CRYBG3: variants seen among roughly 807,000 people sequenced by gnomAD.
CRYBG3 encodes the protein very large A-kinase anchor protein.
In CRYBG3, 127 loss-of-function variants were observed where a neutral mutation model predicts 244.2. The observed-to-expected ratio is 0.52, with a 90% CI of 0.45 to 0.60. The LOEUF (loss-of-function observed/expected upper bound fraction) is 0.60. Ranked by LOEUF, CRYBG3 falls within the 20% of genes least tolerant of loss-of-function variation. The pLI is 0.00. For synonymous variants in CRYBG3, 1,132 were observed against 1,195.8 expected, an observed-to-expected ratio of 0.95 and a Z score of 1.10; for missense variants, 3,325 against 3,442.5, an observed-to-expected ratio of 0.97 and a Z score of 0.85.
chr3:97,875,899 G>C lies in CRYBG3; in HGVS notation c.4705G>C (p.Glu1569Gln). 1 of 1,232,002 alleles carries C rather than the reference G, an allele frequency of 8.1e-7. No individual in the cohort carries two copies. The highest frequency in any genetic ancestry group is 3.1e-4 in the Middle Eastern group (1 of 3,208). The allele number at this position is 1,232,002 out of a possible 1,614,324, so 76.3% of individuals were successfully genotyped here. A position where few individuals can be genotyped will look rare whatever the true frequency, so the allele number is the denominator to read the frequency against. Residue 1569 changes from glutamate (E) to glutamine (Q), a missense_variant, in exon 4 of 22, where the codon GAA becomes CAA. By Grantham distance (29) the Glu-to-Gln change is conservative. This residue lies in a region of CRYBG3 where 635 missense variants were observed against 771.7 expected (regional missense o/e 0.82). Coordinates refer to ENST00000389622, the MANE Select transcript of CRYBG3 (RefSeq NM_153605.4). ...ATATGAGGCAGTCCCTCCTATGATA[G>C]AAATGGGAAGAATACATAAAATGGA... Reference protein sequence around the residue: ...LKYEAVPPMIEMGRIHKMDAE... With the variant: ...LKYEAVPPMIQMGRIHKMDAE...
rs997249490 is a variant in CRYBG3 at position 97,878,146 on chromosome 3, C to A, written c.6843+109C>A. 9.9e-6 allele frequency: 10 copies of A among 1,010,478 alleles called. No individual in the cohort carries two copies. In the Admixed American group the frequency reaches 2.6e-4, roughly 26 times the overall value. The allele number at this position is 1,010,478 out of a possible 1,614,324, so 62.6% of individuals were successfully genotyped here. ...AATGTTTTGGCCAAGCATGGTGGCT[C>A]ATGCCTGTAATCCTGGCACTTTGGG... On this transcript the variant is annotated intron_variant, in intron 4 of 21. Coordinates refer to ENST00000389622, the MANE Select transcript of CRYBG3 (RefSeq NM_153605.4).
chr3:97,849,168 TA>T (rs1234184202), intron 2 of CRYBG3, among the ~76,000 whole-genome samples: 1 of 152,214 alleles, frequency 6.6e-6, no homozygotes, highest in Non-Finnish European at 1.5e-5. Flanking sequence ...TAGAATTAAC[TA>T]AGATAACATG....
chr3:97,905,537 GTCT>G (rs2039762397), intron 15 of CRYBG3, among the ~76,000 whole-genome samples: 1 of 152,120 alleles, frequency 6.6e-6, no homozygotes, highest in African/African-American at 2.4e-5. Flanking sequence ...CTGCATAAAT[GTCT>G]TCTTTTGAGA....
In CRYBG3 at chr3:97,939,909, G is replaced by T. The variant is rs532182139; in HGVS notation, c.8506-1239G>T. Among the ~76,000 whole-genome samples, 8 of 152,106 alleles carry T rather than the reference G, an allele frequency of 5.3e-5. No homozygotes were observed. In the East Asian group the frequency reaches 1.4e-3, roughly 26 times the overall value. On this transcript the variant is annotated intron_variant, in intron 19 of 21. Transcript: ENST00000389622. ...TGAGAATGTGTATTTCCTTAGGAAG[G>T]TTTAATTACCAAAATTCAGTTAGCT...
At chr3:97,838,281 G>C (rs912478246) in intron 1 of CRYBG3, among the ~76,000 whole-genome samples, 1 of 152,098 alleles carries the variant, frequency 6.6e-6, no homozygotes, top group Non-Finnish European at 1.5e-5. Context: ...CTAATCTTTA[G>C]CCACACTTAA....
At chr3:97,938,793 TTTTTTA>T (rs1461074652) in intron 19 of CRYBG3, among the ~76,000 whole-genome samples, 1 of 151,862 alleles carries the variant, frequency 6.6e-6, no homozygotes, top group African/African-American at 2.4e-5. Flanking sequence ...ATTTTGAAAA[TTTTTTA>T]TTATTATTAT....
chr3:97,929,261 A>G (rs1326881624), intron 17 of CRYBG3, among the ~76,000 whole-genome samples: 1 of 152,010 alleles, frequency 6.6e-6, no homozygotes, highest in African/African-American at 2.4e-5. Flanking sequence ...TGGAGCTCAA[A>G]CTGTAATCAA....
chr3:97,911,764 T>C lies in CRYBG3; in HGVS notation c.8005-403T>C, dbSNP rs540472307. 8.0e-4 allele frequency among the ~76,000 whole-genome samples: 122 copies of C among 152,326 alleles called. 1 individual carries two copies. The highest frequency in any genetic ancestry group is 2.7e-3 in the African/African-American group (112 of 41,574). On this transcript the variant is annotated intron_variant, in intron 15 of 21. Transcript: ENST00000389622. ...ATGTAGCCTCATACTAATCTAAGCCTCTTTCAGGTTTAGCACTAAATTGCT... is the reference window on the plus strand; with the variant it reads ...ATGTAGCCTCATACTAATCTAAGCCCCTTTCAGGTTTAGCACTAAATTGCT...
chr3:97,874,420 T>C lies in CRYBG3; in HGVS notation c.3226T>C (p.Ser1076Pro). The change falls in exon 4 of 22, where the codon TCA (serine) becomes CCA (proline). Residue 1076 changes from serine (S) to proline (P), a missense_variant. Ser to Pro is a moderately conservative substitution (Grantham distance 74). Transcript: ENST00000389622. ...TGAAGAAGTTAGCATGATAGTAAATTCACATAAGCCCCAAAATAATTTGGA... is the reference window on the plus strand; with the variant it reads ...TGAAGAAGTTAGCATGATAGTAAATCCACATAAGCCCCAAAATAATTTGGA... ...YPEEVSMIVN[S>P]HKPQNNLDSI... 1.3e-6 allele frequency: 2 copies of C among 1,535,162 alleles called. No individual in the cohort carries two copies. The highest frequency in any genetic ancestry group is 1.7e-6 in the Non-Finnish European group (2 of 1,146,616).
At chr3:97,862,556 A>G (rs1043639493) in intron 2 of CRYBG3, among the ~76,000 whole-genome samples, 1 of 152,176 alleles carries the variant, frequency 6.6e-6, no homozygotes, top group Non-Finnish European at 1.5e-5. Flanking sequence ...TTAACAAAAA[A>G]TGTATATCTT....
In CRYBG3 at chr3:97,944,067, C is replaced by G. The variant is rs1038116941; in HGVS notation, c.*753C>G. ...AGACTCTATAACAGTGGTTACCTGT[C>G]TCCATGTTGACACTTCATCCTAGAT... On this transcript the variant is annotated 3_prime_UTR_variant, in exon 22 of 22. Transcript: ENST00000389622. The G allele has an allele frequency of 6.6e-6, 1 of 151,592 alleles. No homozygotes were observed. 9.4% of individuals were successfully genotyped at this position (151,592 alleles called of 1,614,324 possible).
chr3:97,875,966 T>A lies in CRYBG3; in HGVS notation c.4772T>A (p.Val1591Asp). 8.1e-7 allele frequency: 1 copy of A among 1,232,048 alleles called. No individual in the cohort carries two copies. The highest frequency in any genetic ancestry group is 1.0e-6 in the Non-Finnish European group (1 of 987,930). 76.3% of individuals were successfully genotyped at this position (1,232,048 alleles called of 1,614,324 possible). Reference sequence around the variant, plus strand: ...ACGAAAACTGAGCCAAAAGCTAATGTTTTTAAAATGGGAGAAGTATACCAA... The same window carrying A: ...ACGAAAACTGAGCCAAAAGCTAATGATTTTAAAATGGGAGAAGTATACCAA... ...NVTKTEPKAN[V>D]FKMGEVYQMD... The change falls in exon 4 of 22, where the codon GTT becomes GAT. Residue 1591 changes from valine to aspartate, a missense_variant. By Grantham distance (152) the Val-to-Asp change is radical. Transcript: ENST00000389622.
In CRYBG3 at chr3:97,877,255, A is replaced by T. The variant is rs754418051; in HGVS notation, c.6061A>T (p.Thr2021Ser). 1.2e-6 allele frequency: 2 copies of T among 1,613,828 alleles called. No individual in the cohort carries two copies. Among genetic ancestry groups the T allele is most frequent in the African/African-American group, 2.7e-5 (2 of 74,918 alleles). The change falls in exon 4 of 22, where the codon ACA (threonine) becomes TCA (serine). Residue 2021 changes from threonine to serine, a missense_variant. Coordinates refer to ENST00000389622, the MANE Select transcript of CRYBG3 (RefSeq NM_153605.4). ...GTATGCTTCCGCAGAAGCAAGACAA[A>T]CACAGTCTGTCTTGTTTCATGATAC... is the stretch of plus-strand genomic sequence containing the variant. ...DKYASAEARQTQSVLFHDTSA... is the reference protein window; with the variant it reads ...DKYASAEARQSQSVLFHDTSA...
chr3:97,937,763 T>C (rs372827276), intron 19 of CRYBG3, among the ~76,000 whole-genome samples: 292 of 152,204 alleles, frequency 1.9e-3, no homozygotes, highest in Non-Finnish European at 3.2e-3. Context: ...TGGAATATTG[T>C]AGGAGCTGAG....
intron 1 of CRYBG3, among the ~76,000 whole-genome samples, chr3:97,829,017 A>G (rs964925131): frequency 3.3e-5 from 5 of 152,090 alleles, no homozygotes; most frequent in Non-Finnish European, 7.4e-5. Flanking sequence ...GGCAGGAGAA[A>G]GACTGTCTTA....
At chr3:97,880,317 G>A (rs1169738214) in intron 6 of CRYBG3, among the ~76,000 whole-genome samples, 2 of 152,134 alleles carry the variant, frequency 1.3e-5, no homozygotes, top group African/African-American at 4.8e-5. Context: ...GCTTAAGCCA[G>A]TAAGTTGCAA....
In CRYBG3 at chr3:97,843,128, T is replaced by C. The variant is rs541898266; in HGVS notation, c.150-67T>C. ...AAGGACCTTTCAGTTTGAGTTTAAATACAGAAAACTTTTAGTTTCGTAATT... is the reference window on the plus strand; with the variant it reads ...AAGGACCTTTCAGTTTGAGTTTAAACACAGAAAACTTTTAGTTTCGTAATT... On this transcript the variant is annotated intron_variant, in intron 1 of 21. Coordinates refer to ENST00000389622, the MANE Select transcript of CRYBG3 (RefSeq NM_153605.4). The C allele has an allele frequency of 7.1e-6, 7 of 981,808 alleles. No individual in the cohort carries two copies. The African/African-American group carries it at 1.2e-4, about 16-fold the overall frequency. 60.8% of individuals were successfully genotyped at this position (981,808 alleles called of 1,614,324 possible). A position where few individuals can be genotyped will look rare whatever the true frequency, so the allele number is the denominator to read the frequency against.
Position 97,864,498 on chromosome 3 carries a change from G to T in CRYBG3, c.498G>T (p.Gly166=). The T allele has an allele frequency of 1.3e-6, 2 of 1,535,870 alleles. No homozygotes were observed. The highest frequency in any genetic ancestry group is 1.7e-6 in the Non-Finnish European group (2 of 1,146,808). ...ATCCCAGTGACCATCATGAAGACGG[G>T]ATCAAAAGGGAGAGAGAGATTTTCA... is the stretch of plus-strand genomic sequence containing the variant. The part of the protein sequence containing the change: ...LQNPSDHHED[G]IKREREIFSG... Residue 166 remains glycine, a synonymous_variant, in exon 3 of 22, where the codon GGG becomes GGT. Transcript: ENST00000389622.
chr3:97,918,071 T>A (rs1201096233), intron 17 of CRYBG3, among the ~76,000 whole-genome samples: 1 of 152,224 alleles, frequency 6.6e-6, no homozygotes, highest in Non-Finnish European at 1.5e-5. Flanking sequence ...AGGAAATGTT[T>A]CTGTGTAATT....
Sources: gnomAD v4.1 joint callset for allele counts (sites outside exome capture counted in the v4.1 genomes callset) on GRCh38, gnomAD v4.1.1 for gene constraint, gnomAD v4.1.1 regional missense constraint, MANE v1.5 for transcripts, NCBI Gene and HGNC (gene_info 2026-07-23, HGNC 2026-07-21) for gene names.